The following MUC4 variants were observed in gnomAD, a reference collection of about 807,000 sequenced individuals.
The protein encoded by MUC4 is mucin 4, cell surface associated, also known as mucin-4.
MUC4 carries 202 observed loss-of-function variants against 257.9 expected under a neutral mutation model. The observed-to-expected ratio is 0.78, with a 90% confidence interval of 0.70 to 0.88. MUC4 has a LOEUF of 0.88. Among genes scored for constraint, MUC4 ranks in the 40% least tolerant of loss-of-function variants. The probability of loss-of-function intolerance (pLI) is 0.00; values close to 1 mark genes in which losing one functional copy is unlikely to be tolerated. For missense variants in MUC4, 5,976 were observed against 6,513.7 expected (o/e 0.92, Z 2.84); for synonymous variants, 2,351 against 2,757.1 (o/e 0.85, Z 4.62).
chr3:195,782,269 G>C lies in MUC4; in HGVS notation c.9311C>G (p.Pro3104Arg), dbSNP rs1482850911. 1 of 1,536,012 alleles carries C rather than the reference G, an allele frequency of 6.5e-7. No individual in the cohort carries two copies. Among genetic ancestry groups the C allele is most frequent in the Admixed American group, 2.0e-5 (1 of 49,884 alleles). The change falls in exon 2 of 25, where the codon CCT becomes CGT. Residue 3104 changes from proline (P) to arginine (R), a missense_variant. Coordinates refer to ENST00000463781, the MANE Select transcript of MUC4 (RefSeq NM_018406.7). ...LSSVSTGDTT[P>R]LPVTSPSSAS... ...TGAGGAAGGGCTAGTGACAGGAAGA[G>C]GCGTGGTGTCACCTGTGGATACTGA...
intron 4 of MUC4, among the ~76,000 whole-genome samples, chr3:195,772,248 A>G (rs1723063542): frequency 6.7e-6 from 1 of 149,180 alleles, no homozygotes; most frequent in African/African-American, 2.5e-5. Context: ...TCAGGGGTGT[A>G]GACACCCTCT....
In MUC4 at chr3:195,748,909, G is replaced by T. The variant is rs141128323; in HGVS notation, c.16027C>A (p.Arg5343Ser). The change falls in exon 24 of 25, where the codon CGC becomes AGC. Residue 5343 changes from arginine to serine, a missense_variant. Transcript: ENST00000463781. ...GQCQHLPSGPRCSCVSFSIYT... is the reference protein window; with the variant it reads ...GQCQHLPSGPSCSCVSFSIYT... The stretch of plus-strand genomic sequence containing the variant: ...GGCCACAGCCCTATGCACCTGCAGC[G>T]GGGCCCACTGGGCAGGTGCTGGCAC... The T allele has an allele frequency of 6.1e-5, 96 of 1,579,374 alleles. 2 individuals are homozygous for T. The highest frequency in any genetic ancestry group is 2.3e-4 in the South Asian group (20 of 86,174).
chr3:195,762,009 TGCCCGGGCC>T, intron 14 of MUC4, 69 bp downstream of exon 14: 1 of 1,464,036 alleles, frequency 6.8e-7, no homozygotes, highest in Non-Finnish European at 9.2e-7. Flanking sequence ...CGAGCAGGGC[TGCCCGGGCC>T]GCCGGCGTGG....
intron 7 of MUC4, among the ~76,000 whole-genome samples, chr3:195,768,387 C>T (rs900501390): frequency 1.3e-5 from 2 of 152,208 alleles, no homozygotes; most frequent in Non-Finnish European, 2.9e-5. Flanking sequence ...CTCCCACACA[C>T]GGGAATCCAC....
chr3:195,758,077 G>A (rs1027003833), intron 17 of MUC4, among the ~76,000 whole-genome samples: 1 of 152,230 alleles, frequency 6.6e-6, no homozygotes, highest in Non-Finnish European at 1.5e-5. Flanking sequence ...CAAAGAGAAC[G>A]CAAAATATGC....
chr3:195,754,836 A>G (rs939243864), intron 18 of MUC4, among the ~76,000 whole-genome samples: 1 of 138,822 alleles, frequency 7.2e-6, no homozygotes. Context: ...CCATGTGTGT[A>G]TGTATCATGT....
chr3:195,779,323 G>T lies in MUC4; in HGVS notation c.12257C>A (p.Ala4086Asp), dbSNP rs1359161543. 12 of 1,084,466 alleles carry T rather than the reference G, an allele frequency of 1.1e-5. 2 individuals are homozygous for T. In the African/African-American group the frequency reaches 2.3e-4, roughly 21 times the overall value. 67.2% of individuals were successfully genotyped at this position (1,084,466 alleles called of 1,614,324 possible). Reference protein sequence around the residue: ...GDTSTLPVTDASSASTGHATP... With the variant: ...GDTSTLPVTDDSSASTGHATP... The stretch of plus-strand genomic sequence containing the variant: ...GGCGTGACCGGTGGATGCTGAGGAA[G>T]CATCGGTGACAGGAAGAGTGCTGGT... The change falls in exon 2 of 25, where the codon GCT becomes GAT. Residue 4086 changes from alanine (A) to aspartate (D), a missense_variant. This residue lies in a region of MUC4 where 293 missense variants were observed against 294.5 expected (regional missense o/e 1.00). Coordinates refer to ENST00000463781, the MANE Select transcript of MUC4 (RefSeq NM_018406.7).
Position 195,757,454 on chromosome 3 carries a change from G to T in MUC4, c.14987-126C>A. Reference sequence around the variant, plus strand: ...CCCCCTCCCCAGACAAATCTCATTGGTCATTTCCTTTGAGCAAGGCTGGTA... The same window carrying T: ...CCCCCTCCCCAGACAAATCTCATTGTTCATTTCCTTTGAGCAAGGCTGGTA... On this transcript the variant is annotated intron_variant, in intron 17 of 24. Coordinates refer to ENST00000463781, the MANE Select transcript of MUC4 (RefSeq NM_018406.7). The surrounding 1 kb of genome is among the most constrained non-coding windows in gnomAD (Gnocchi z 4.8). The T allele has an allele frequency of 1.1e-6, 1 of 891,084 alleles. No individual in the cohort carries two copies. The highest frequency in any genetic ancestry group is 1.7e-6 in the Non-Finnish European group (1 of 589,650). The allele number at this position is 891,084 out of a possible 1,614,324, so 55.2% of individuals were successfully genotyped here. A position where few individuals can be genotyped will look rare whatever the true frequency, so the allele number is the denominator to read the frequency against.
chr3:195,764,860 G>A, intron 10 of MUC4, 137 bp downstream of exon 10: 3 of 1,268,982 alleles, frequency 2.4e-6, no homozygotes, highest in Non-Finnish European at 3.3e-6. Flanking sequence ...GATGTTGGAA[G>A]CTTCCTAACG....
intron 1 of MUC4, among the ~76,000 whole-genome samples, chr3:195,811,030 T>C (rs1158952415): frequency 2.0e-5 from 3 of 152,042 alleles, no homozygotes; most frequent in Non-Finnish European, 4.4e-5. Context: ...TGTTCTCTTT[T>C]CTCTCTCTTT....
In MUC4 at chr3:195,791,309, C is replaced by T. The variant is rs749463424; in HGVS notation, c.271G>A (p.Asp91Asn). Residue 91 changes from aspartate (D) to asparagine (N), a missense_variant, in exon 2 of 25, where the codon GAC (aspartate) becomes AAC (asparagine). Around this residue, in one of 44 missense-constraint regions of MUC4, gnomAD observed 1,583 missense variants for 1,257.4 expected, o/e 1.26. Coordinates refer to ENST00000463781, the MANE Select transcript of MUC4 (RefSeq NM_018406.7). ...STETTSKAQTDTLTQMMTSTL... is the reference protein window; with the variant it reads ...STETTSKAQTNTLTQMMTSTL... Reference sequence around the variant, plus strand: ...GATGTCATCATCTGCGTGAGGGTGTCGGTTTGAGCTTTGCTGGTGGTCTCC... The same window carrying T: ...GATGTCATCATCTGCGTGAGGGTGTTGGTTTGAGCTTTGCTGGTGGTCTCC... 6.8e-6 allele frequency: 11 copies of T among 1,611,532 alleles called. No individual in the cohort carries two copies. The highest frequency in any genetic ancestry group is 9.3e-6 in the Non-Finnish European group (11 of 1,179,184).
chr3:195,771,356 G>A (rs1722837605), intron 5 of MUC4, among the ~76,000 whole-genome samples: 1 of 148,810 alleles, frequency 6.7e-6, no homozygotes, highest in Admixed American at 6.7e-5. Context: ...GGTATTCCTG[G>A]TCAGTCTCGT....
intron 21 of MUC4, 187 bp downstream of exon 21, chr3:195,752,186 A>G: frequency 1.6e-6 from 1 of 608,448 alleles, no homozygotes; most frequent in Non-Finnish European, 2.9e-6. Flanking sequence ...TGATGAGTCG[A>G]GGTTTCTGTC....
Position 195,774,234 on chromosome 3 carries a change from A to C in MUC4, c.13015T>G (p.Ser4339Ala). Residue 4339 changes from serine to alanine, a missense_variant, in exon 4 of 25, where the codon TCC becomes GCC. Coordinates refer to ENST00000463781, the MANE Select transcript of MUC4 (RefSeq NM_018406.7). ...CCAGTCGCCGGCTTGAAGAGTGGGG[A>C]GGTGAAGTCCACGGTCCTCCTGACG... The part of the protein sequence containing the change: ...EFVRRTVDFT[S>A]PLFKPATGFP... 1 of 1,606,516 alleles carries C rather than the reference A, an allele frequency of 6.2e-7. No homozygotes were observed. Among genetic ancestry groups the C allele is most frequent in the Non-Finnish European group, 8.5e-7 (1 of 1,176,816 alleles).
rs754398383 is a variant in MUC4 at position 195,782,584 on chromosome 3, G to T, written c.8996C>A (p.Ser2999Tyr). The change falls in exon 2 of 25, where the codon TCC (serine) becomes TAC (tyrosine). Residue 2999 changes from serine to tyrosine, a missense_variant. Physicochemically the swap from Ser to Tyr is moderately radical, Grantham distance 144. Coordinates refer to ENST00000463781, the MANE Select transcript of MUC4 (RefSeq NM_018406.7). ...HATLLPVTDTSSASIGHATSL... is the reference protein window; with the variant it reads ...HATLLPVTDTYSASIGHATSL... ...GGTGGCGTGACCTATGGATGCTGAGGAAGTGTCGGTGACAGGAAGAAGGGT... is the reference window on the plus strand; with the variant it reads ...GGTGGCGTGACCTATGGATGCTGAGTAAGTGTCGGTGACAGGAAGAAGGGT... The T allele has an allele frequency of 3.3e-6, 3 of 917,852 alleles. No individual in the cohort carries two copies. The South Asian group carries it at 4.8e-5, about 15-fold the overall frequency. The allele number at this position is 917,852 out of a possible 1,614,324, so 56.9% of individuals were successfully genotyped here.
At position 195,769,033 on chromosome 3, in the gene MUC4, C is replaced by G. The variant is rs371194108; in HGVS notation, c.13518G>C (p.Met4506Ile). ...CCCTCCCATCCTACCTAGAGAAGCC[C>G]ATGAGCACCGGGTTGCCTGAGCGCT... The part of the protein sequence containing the change: ...VAQRSGNPVL[M>I]GFSSGDGYFE... The change falls in exon 7 of 25, where the codon ATG becomes ATC. Residue 4506 changes from methionine to isoleucine, a missense_variant. Met to Ile is a conservative substitution (Grantham distance 10). Around this residue, in one of 44 missense-constraint regions of MUC4, gnomAD observed 996 missense variants for 1,137.3 expected, o/e 0.88. Transcript: ENST00000463781. The G allele has an allele frequency of 6.2e-7, 1 of 1,613,598 alleles. No homozygotes were observed.
chr3:195,791,411 G>A lies in MUC4; in HGVS notation c.169C>T (p.Gln57Ter). The A allele has an allele frequency of 1.9e-6, 3 of 1,613,994 alleles. No individual in the cohort carries two copies. The highest frequency in any genetic ancestry group is 1.1e-5 in the South Asian group (1 of 91,080). ...TGSTTATLEG[Q>*]STAASSRTSN... is the part of the protein sequence containing the mutation. ...GTCCTTGAAGAAGCTGCAGTTGATTGTCCCTCTAGTGTCGCTGTTGTTGAG... is the reference window on the plus strand; with the variant it reads ...GTCCTTGAAGAAGCTGCAGTTGATTATCCCTCTAGTGTCGCTGTTGTTGAG... Residue 57 changes from glutamine (Q) to a stop codon, truncating the protein, a stop_gained, in exon 2 of 25, where the codon CAA (glutamine) becomes TAA (stop). Coordinates refer to ENST00000463781, the MANE Select transcript of MUC4 (RefSeq NM_018406.7). LOFTEE classifies it high-confidence loss of function.
chr3:195,752,590 A>G, intron 20 of MUC4, 144 bp from the exon 21 acceptor site: 1 of 656,064 alleles, frequency 1.5e-6, no homozygotes, highest in Non-Finnish European at 2.8e-6. Flanking sequence ...CCCTCACCCT[A>G]CATTCCACAG....
At chr3:195,760,750 G>T in intron 16 of MUC4, 134 bp downstream of exon 16, 1 of 750,578 alleles carries the variant, frequency 1.3e-6, no homozygotes, top group South Asian at 1.7e-5. Flanking sequence ...TGAAGGGTTT[G>T]AGCAGAGGAA....
Sources: gnomAD v4.1 joint callset for allele counts (sites outside exome capture counted in the v4.1 genomes callset) on GRCh38, gnomAD v4.1.1 for gene constraint, gnomAD v4.1.1 regional missense constraint, Gnocchi (gnomAD v3.1) non-coding constraint, MANE v1.5 for transcripts, NCBI Gene and HGNC (gene_info 2026-07-23, HGNC 2026-07-21) for gene names.